Variants in ANXA11 observed in about 807,000 individuals in gnomAD.
ANXA11 encodes annexin A11.
ANXA11 carries 57 observed loss-of-function variants against 64.7 expected under a neutral mutation model. The ratio of observed to expected loss-of-function variants is 0.88; its 90% confidence interval spans 0.71 to 1.10. ANXA11 has a LOEUF of 1.10. Ranked by LOEUF, ANXA11 falls within the 50% of genes least tolerant of loss-of-function variation. The probability of loss-of-function intolerance (pLI) is 0.00; values close to 1 mark genes in which losing one functional copy is unlikely to be tolerated. For synonymous variants in ANXA11, 260 were observed against 265.2 expected, an observed-to-expected ratio of 0.98 and a Z score of 0.19; for missense variants, 675 against 670.7, an observed-to-expected ratio of 1.01 and a Z score of -0.07.
rs544770426 is a variant in ANXA11 at position 80,153,538 on chromosome 10, T to C, written c.*2315A>G. On this transcript the variant is annotated 3_prime_UTR_variant, in exon 16 of 16. Transcript: ENST00000422982. ...CAGAGCACATTGGTTCTAGGCCCCATCACAATTCAGGAGGCCCCCAGGGTC... is the reference window on the plus strand; with the variant it reads ...CAGAGCACATTGGTTCTAGGCCCCACCACAATTCAGGAGGCCCCCAGGGTC... The C allele has an allele frequency of 6.6e-6, 1 of 152,338 alleles. No homozygotes were observed. The highest frequency in any genetic ancestry group is 1.9e-4 in the East Asian group (1 of 5,186). 9.4% of individuals were successfully genotyped at this position (152,338 alleles called of 1,614,324 possible). A position where few individuals can be genotyped will look rare whatever the true frequency, so the allele number is the denominator to read the frequency against.
chr10:80,199,382 C>A (rs897262046), intron 1 of ANXA11, among the ~76,000 whole-genome samples: 1 of 152,176 alleles, frequency 6.6e-6, no homozygotes, highest in African/African-American at 2.4e-5. Flanking sequence ...CAGGCGTGAG[C>A]TACCGCGCCC....
At chr10:80,180,338 G>A (rs554261076) in intron 1 of ANXA11, among the ~76,000 whole-genome samples, 17 of 152,212 alleles carry the variant, frequency 1.1e-4, no homozygotes, top group Non-Finnish European at 2.4e-4. Flanking sequence ...TGTCCTGCCT[G>A]ACTTCAGGGA....
intron 1 of ANXA11, among the ~76,000 whole-genome samples, chr10:80,181,772 A>G (rs1846363720): frequency 6.6e-6 from 1 of 152,226 alleles, no homozygotes; most frequent in African/African-American, 2.4e-5. Flanking sequence ...CCAAAATCCA[A>G]AACACTGATA....
At chr10:80,192,130 C>T (rs900830175) in intron 1 of ANXA11, among the ~76,000 whole-genome samples, 1 of 152,162 alleles carries the variant, frequency 6.6e-6, no homozygotes, top group Non-Finnish European at 1.5e-5. Context: ...GGAGTTCAAG[C>T]CTGGGTTGCT....
chr10:80,167,336 G>A, intron 5 of ANXA11, 23 bp from the exon 6 acceptor site: 1 of 1,608,646 alleles, frequency 6.2e-7, no homozygotes, highest in Non-Finnish European at 8.5e-7. Context: ...ACAGTCTCAG[G>A]TAAGATGTCG....
chr10:80,168,508 C>T (rs754910326), intron 5 of ANXA11, among the ~76,000 whole-genome samples: 5 of 152,140 alleles, frequency 3.3e-5, no homozygotes, highest in Non-Finnish European at 7.4e-5. Flanking sequence ...AAGAAGGTGA[C>T]GCTCTTTGTT....
intron 1 of ANXA11, among the ~76,000 whole-genome samples, chr10:80,197,351 A>G (rs1840211509): frequency 6.6e-6 from 1 of 152,228 alleles, no homozygotes; most frequent in Non-Finnish European, 1.5e-5. Flanking sequence ...ATAATGTCCC[A>G]TATAATCAAG....
chr10:80,169,421 T>C, intron 4 of ANXA11, 63 bp from the exon 5 acceptor site: 1 of 1,568,022 alleles, frequency 6.4e-7, no homozygotes, highest in Non-Finnish European at 8.6e-7. Context: ...CCCTCCACCC[T>C]TTTTCATACC....
At chr10:80,197,637 C>G (rs1303926597) in intron 1 of ANXA11, among the ~76,000 whole-genome samples, 1 of 151,936 alleles carries the variant, frequency 6.6e-6, no homozygotes, top group East Asian at 1.9e-4. Context: ...AAAAAATAAC[C>G]CCTGGCCGGG....
chr10:80,168,375 A>T (rs895713882), intron 5 of ANXA11, among the ~76,000 whole-genome samples: 8 of 152,050 alleles, frequency 5.3e-5, no homozygotes, highest in African/African-American at 1.9e-4. Flanking sequence ...GACACAGAGG[A>T]ATAAGGAGTA....
rs1471262419 is a variant in ANXA11 at position 80,172,685 on chromosome 10, C to T, written c.55+122G>A. On this transcript the variant is annotated intron_variant, in intron 3 of 15. Transcript: ENST00000422982. Reference sequence around the variant, plus strand: ...CCCACTACTCCTGTTGTCCTCTCCTCCCCTGCTGGGCCGTGCTGTGAGGGG... The same window carrying T: ...CCCACTACTCCTGTTGTCCTCTCCTTCCCTGCTGGGCCGTGCTGTGAGGGG... 5.0e-6 allele frequency: 5 copies of T among 1,007,392 alleles called. No homozygotes were observed. The East Asian group carries it at 9.7e-5, about 20-fold the overall frequency. 62.4% of individuals were successfully genotyped at this position (1,007,392 alleles called of 1,614,324 possible).
At chr10:80,181,507 A>G (rs897950908) in intron 1 of ANXA11, 27 of 152,182 alleles carry the variant, frequency 1.8e-4, no homozygotes, top group African/African-American at 6.0e-4. Context: ...AAAGGAAGGA[A>G]AAACAAGCCA....
Position 80,152,065 on chromosome 10 carries a change from C to A in ANXA11, c.*3788G>T, listed in dbSNP as rs1467791693. The A allele has an allele frequency of 3.3e-5, 5 of 152,234 alleles. No individual in the cohort carries two copies. The highest frequency in any genetic ancestry group is 1.2e-4 in the African/African-American group (5 of 41,456). 9.4% of individuals were successfully genotyped at this position (152,234 alleles called of 1,614,324 possible). A position where few individuals can be genotyped will look rare whatever the true frequency, so the allele number is the denominator to read the frequency against. ...ACTAGGGTGAGGCGAGTGAGGCTAT[C>A]TGTCTCAGGTGCAAAACTATTTAAT... On this transcript the variant is annotated 3_prime_UTR_variant, in exon 16 of 16. Coordinates refer to ENST00000422982, the MANE Select transcript of ANXA11 (RefSeq NM_145868.2).
chr10:80,172,035 G>T (rs1845995194), intron 3 of ANXA11, among the ~76,000 whole-genome samples: 1 of 152,194 alleles, frequency 6.6e-6, no homozygotes, highest in Admixed American at 6.5e-5. Context: ...TCAAACCACA[G>T]GACCTCAGCT....
At chr10:80,166,452 A>C (rs1188604716) in intron 7 of ANXA11, 6 of 481,134 alleles carry the variant, frequency 1.2e-5, no homozygotes, top group Non-Finnish European at 2.2e-5. Context: ...ACACGAATCT[A>C]ATCAATATTT....
Position 80,171,180 on chromosome 10 carries a change from A to C in ANXA11, c.56-265T>G, listed in dbSNP as rs954123143. 1.4e-5 allele frequency: 19 copies of C among 1,323,406 alleles called. No homozygotes were observed. In the Admixed American group the frequency reaches 1.7e-4, roughly 12 times the overall value. 82.0% of individuals were successfully genotyped at this position (1,323,406 alleles called of 1,614,324 possible). Reference sequence around the variant, plus strand: ...CAAGACCCTCTGTGGGGTATTAAGGAGGCTGGGAGAGCCCAGGCAGGCTCT... The same window carrying C: ...CAAGACCCTCTGTGGGGTATTAAGGCGGCTGGGAGAGCCCAGGCAGGCTCT... On this transcript the variant is annotated intron_variant, in intron 3 of 15. Transcript: ENST00000422982.
In ANXA11 at chr10:80,164,138, A is replaced by G; in HGVS notation, c.864T>C (p.Val288=). Residue 288 remains valine (V), a synonymous_variant, in exon 9 of 16, where the codon GTT becomes GTC. Transcript: ENST00000422982. ...IYEIKEAIKG[V]GTDEACLIEI... ...CAATCAGGCAGGCTTCATCAGTGCCAACCCCCTGCAGGGGCAGAGAATACA... is the reference window on the plus strand; with the variant it reads ...CAATCAGGCAGGCTTCATCAGTGCCGACCCCCTGCAGGGGCAGAGAATACA... The G allele has an allele frequency of 6.2e-7, 1 of 1,613,822 alleles. No homozygotes were observed. Among genetic ancestry groups the G allele is most frequent in the Non-Finnish European group, 8.5e-7 (1 of 1,179,752 alleles).
At chr10:80,182,398 T>A (rs1007273592) in intron 1 of ANXA11, among the ~76,000 whole-genome samples, 17 of 152,150 alleles carry the variant, frequency 1.1e-4, no homozygotes, top group African/African-American at 4.1e-4. Flanking sequence ...TCTATCCTTG[T>A]ACACAAAGGT....
intron 5 of ANXA11, among the ~76,000 whole-genome samples, chr10:80,168,389 G>A (rs906873243): frequency 2.0e-5 from 3 of 152,122 alleles, no homozygotes; most frequent in African/African-American, 4.8e-5. Context: ...AGGAGTACTC[G>A]CCAGGGGTGT....
Sources: gnomAD v4.1 joint callset for allele counts (sites outside exome capture counted in the v4.1 genomes callset) on GRCh38, gnomAD v4.1.1 for gene constraint, MANE v1.5 for transcripts, NCBI Gene and HGNC (gene_info 2026-07-23, HGNC 2026-07-21) for gene names.